HLCS: variants seen among roughly 807,000 people sequenced by gnomAD.
HLCS encodes holocarboxylase synthetase.
HLCS carries 53 observed loss-of-function variants against 75.0 expected under a neutral mutation model. The ratio of observed to expected loss-of-function variants is 0.71; its 90% CI spans 0.57 to 0.89. The LOEUF (loss-of-function observed/expected upper bound fraction) is 0.89. HLCS is among the 40% of genes least tolerant of loss of function. The pLI, the probability that HLCS is intolerant of heterozygous loss-of-function variation, is 0.00. For missense variants in HLCS, 966 were observed against 1,074.0 expected (o/e 0.90, Z 1.41); for synonymous variants, 431 against 428.6 (o/e 1.01, Z -0.07).
rs2089312044 is a variant in HLCS, at chr21:36,749,760, C to T, written c.*4486G>A. The T allele has an allele frequency of 6.6e-6, 1 of 152,096 alleles. No homozygotes were observed. The highest frequency in any genetic ancestry group is 1.5e-5 in the Non-Finnish European group (1 of 68,028). 9.4% of individuals were successfully genotyped at this position (152,096 alleles called of 1,614,324 possible). The stretch of plus-strand genomic sequence containing the variant: ...GTGTAGGTTTGATTACTAGGAGATA[C>T]CACCGACATTTTTCAATAAAGTACT... On this transcript the variant is annotated 3_prime_UTR_variant, in exon 11 of 11. Transcript: ENST00000674895.
rs529893807 is a variant in HLCS at position 36,962,038 on chromosome 21, T to C, written c.328A>G (p.Thr110Ala). 4.7e-6 allele frequency: 6 copies of C among 1,289,514 alleles called. No individual in the cohort carries two copies. The African/African-American group carries it at 7.6e-5, about 16-fold the overall frequency. The allele number at this position is 1,289,514 out of a possible 1,614,324, so 79.9% of individuals were successfully genotyped here. A position where few individuals can be genotyped will look rare whatever the true frequency, so the allele number is the denominator to read the frequency against. The change falls in exon 2 of 11, where the codon ACA becomes GCA. Residue 110 changes from threonine to alanine, a missense_variant and splice_region_variant. Coordinates refer to ENST00000674895, the MANE Select transcript of HLCS (RefSeq NM_001352514.2). ...ACACAAGTAAACATGGTACTCACTGTTTCTGAAGAGGATGATCTCTGTAAA... is the reference window on the plus strand; with the variant it reads ...ACACAAGTAAACATGGTACTCACTGCTTCTGAAGAGGATGATCTCTGTAAA... ...ENLQRSSSSE[T>A]IVKWSDCCLP...
In HLCS at chr21:36,767,230, T is replaced by C; in HGVS notation, c.1948A>G (p.Thr650Ala). The C allele has an allele frequency of 6.2e-7, 1 of 1,614,178 alleles. No homozygotes were observed. Residue 650 changes from threonine (T) to alanine (A), a missense_variant, in exon 7 of 11, where the codon ACC (threonine) becomes GCC (alanine). Thr to Ala is a moderately conservative substitution (Grantham distance 58). Coordinates refer to ENST00000674895, the MANE Select transcript of HLCS (RefSeq NM_001352514.2). ...AAAGATGACTGACCTTTGCCCTCGGTCTGCCGGGCCGCGATCACTATTAAG... is the reference window on the plus strand; with the variant it reads ...AAAGATGACTGACCTTTGCCCTCGGCCTGCCGGGCCGCGATCACTATTAAG... ...MGLIVIAARQ[T>A]EGKGRGGNVW...
chr21:36,816,647 G>T (rs1300389938), intron 6 of HLCS, among the ~76,000 whole-genome samples: 3 of 152,138 alleles, frequency 2.0e-5, no homozygotes, highest in African/African-American at 7.2e-5. Context: ...AGCCTCTACT[G>T]AGGTCCCAGG....
At chr21:36,972,638 A>G (rs1036522235) in intron 1 of HLCS, among the ~76,000 whole-genome samples, 2 of 152,238 alleles carry the variant, frequency 1.3e-5, no homozygotes, top group African/African-American at 4.8e-5. Context: ...GGCTTGAAAG[A>G]AGCAAAGCCA....
At chr21:36,912,517 T>G (rs957593130) in intron 5 of HLCS, among the ~76,000 whole-genome samples, 3 of 152,176 alleles carry the variant, frequency 2.0e-5, no homozygotes, top group African/African-American at 7.2e-5. Flanking sequence ...ATTTATTCAC[T>G]GTTACAGAGT....
chr21:36,854,843 A>G (rs558250998), intron 6 of HLCS, among the ~76,000 whole-genome samples: 5 of 152,248 alleles, frequency 3.3e-5, no homozygotes, highest in Non-Finnish European at 7.3e-5. Flanking sequence ...ATACTTGTTC[A>G]CAATGATCTG....
At chr21:36,815,461 GCAA>G (rs2061635572) in intron 6 of HLCS, among the ~76,000 whole-genome samples, 1 of 152,142 alleles carries the variant, frequency 6.6e-6, no homozygotes, top group Non-Finnish European at 1.5e-5. Context: ...AGCAACAATA[GCAA>G]CAACAAAAAA....
chr21:36,913,128 A>C (rs2065791644), intron 5 of HLCS, among the ~76,000 whole-genome samples: 1 of 152,124 alleles, frequency 6.6e-6, no homozygotes, highest in Non-Finnish European at 1.5e-5. Flanking sequence ...CCACAGCAGA[A>C]GAAATGGGAC....
chr21:36,841,767 T>A (rs1045478849), intron 6 of HLCS, among the ~76,000 whole-genome samples: 2 of 152,234 alleles, frequency 1.3e-5, no homozygotes, highest in African/African-American at 4.8e-5. Flanking sequence ...GTTCCTCAAC[T>A]GGCTGGGCTC....
chr21:36,892,370 G>GA (rs376016107), intron 6 of HLCS, among the ~76,000 whole-genome samples: 2,356 of 152,336 alleles, frequency 0.015, 59 homozygotes, highest in African/African-American at 0.053. Flanking sequence ...AGGAAACATA[G>GA]TGGCCGCCAG....
At position 36,756,702 on chromosome 21, in the gene HLCS, T is replaced by C. The variant is rs2089615536; in HGVS notation, c.2290A>G (p.Ile764Val). The change falls in exon 10 of 11, where the codon ATC (isoleucine) becomes GTC (valine). Residue 764 changes from isoleucine to valine, a missense_variant. Coordinates refer to ENST00000674895, the MANE Select transcript of HLCS (RefSeq NM_001352514.2). ...SNPTICINDL[I>V]TEYNKQHKAE... Reference sequence around the variant, plus strand: ...TTGTGTTGTTTATTGTATTCTGTGATGAGGTCGTTGATGCAGATGGTAGGG... The same window carrying C: ...TTGTGTTGTTTATTGTATTCTGTGACGAGGTCGTTGATGCAGATGGTAGGG... 1 of 1,614,170 alleles carries C rather than the reference T, an allele frequency of 6.2e-7. No individual in the cohort carries two copies. Among genetic ancestry groups the C allele is most frequent in the Non-Finnish European group, 8.5e-7 (1 of 1,180,022 alleles).
chr21:36,790,215 C>T (rs1387264738), intron 6 of HLCS, among the ~76,000 whole-genome samples: 1 of 152,106 alleles, frequency 6.6e-6, no homozygotes, highest in Non-Finnish European at 1.5e-5. Flanking sequence ...ACCATCCTAG[C>T]CAACATGGTG....
intron 4 of HLCS, among the ~76,000 whole-genome samples, chr21:36,932,928 G>A (rs961154009): frequency 2.6e-5 from 4 of 152,088 alleles, no homozygotes; most frequent in South Asian, 2.1e-4. Flanking sequence ...GACCAGCCTG[G>A]ACAACATGGT....
In HLCS at chr21:36,936,644, G is replaced by A; in HGVS notation, c.1242C>T (p.Val414=). The A allele has an allele frequency of 6.2e-7, 1 of 1,614,180 alleles. No individual in the cohort carries two copies. The highest frequency in any genetic ancestry group is 8.5e-7 in the Non-Finnish European group (1 of 1,180,036). ...VTSKGALHKT[V]QNLVFSKADQ... is the part of the protein sequence containing the mutation. ...CAGCCTTGGAGAAAACCAAGTTCTG[G>A]ACTGTCTTGTGCAGTGCACCCTTGC... The change falls in exon 4 of 11, where the codon GTC becomes GTT. Residue 414 remains valine (V), a synonymous_variant. Transcript: ENST00000674895.
intron 5 of HLCS, among the ~76,000 whole-genome samples, chr21:36,913,909 C>T (rs1254038132): frequency 6.6e-6 from 1 of 152,190 alleles, no homozygotes; most frequent in Non-Finnish European, 1.5e-5. Flanking sequence ...TATCTGGTTT[C>T]TGCAGGAAAG....
chr21:36,954,093 G>A (rs2067801078), intron 2 of HLCS, among the ~76,000 whole-genome samples: 1 of 152,082 alleles, frequency 6.6e-6, no homozygotes, highest in African/African-American at 2.4e-5. Context: ...ATCACCTGAG[G>A]TCAAGAGATC....
At chr21:36,933,626 C>T (rs989751739) in intron 4 of HLCS, among the ~76,000 whole-genome samples, 7 of 140,432 alleles carry the variant, frequency 5.0e-5, no homozygotes, top group African/African-American at 1.0e-4. Context: ...CTCTCCTCTC[C>T]GGTGGACAAA....
intron 6 of HLCS, among the ~76,000 whole-genome samples, chr21:36,857,059 T>G (rs932489262): frequency 4.6e-5 from 7 of 152,214 alleles, no homozygotes; most frequent in Non-Finnish European, 7.4e-5. Flanking sequence ...TATGCACAAA[T>G]TTCAGTTTAC....
chr21:36,929,561 A>G (rs1490007912), intron 5 of HLCS, among the ~76,000 whole-genome samples: 2 of 152,226 alleles, frequency 1.3e-5, no homozygotes, highest in Non-Finnish European at 2.9e-5. Flanking sequence ...CACCTAGACT[A>G]TTGGGTGTTT....
Sources: allele counts gnomAD v4.1 joint callset (sites outside exome capture counted in the v4.1 genomes callset), GRCh38; gene constraint gnomAD v4.1.1; transcripts MANE v1.5; gene names NCBI Gene and HGNC (gene_info 2026-07-23, HGNC 2026-07-21).